ADAMTSL1: variants seen among roughly 807,000 people sequenced by gnomAD.
ADAMTSL1 encodes the protein ADAMTS-like protein 1.
ADAMTSL1 carries 126 observed loss-of-function variants against 201.8 expected under a neutral mutation model. The ratio of observed to expected loss-of-function variants is 0.62; its 90% CI spans 0.54 to 0.72. The LOEUF (loss-of-function observed/expected upper bound fraction) is 0.72. Among genes scored for constraint, ADAMTSL1 ranks in the 30% least tolerant of loss-of-function variants. The pLI, the probability that ADAMTSL1 is intolerant of heterozygous loss-of-function variation, is 0.00. For missense variants in ADAMTSL1, 2,679 were observed against 2,277.8 expected (o/e 1.18, Z -3.59); for synonymous variants, 1,121 against 903.4 (o/e 1.24, Z -4.32).
rs377599847 is a variant in ADAMTSL1 at position 18,133,847 on chromosome 9, T to C, written c.88-30015T>C. Among the ~76,000 whole-genome samples, 14 of 152,252 alleles carry C rather than the reference T, an allele frequency of 9.2e-5. No individual in the cohort carries two copies. In the East Asian group the frequency reaches 9.7e-4, roughly 11 times the overall value. ...TTTAAAAAAACTATTTGGTTAACTC[T>C]AATGGGCAACTAGAATTGAAAACAC... On this transcript the variant is annotated intron_variant, in intron 1 of 29. Coordinates refer to the ADAMTSL1 transcript ENST00000680146.
At chr9:18,368,770 T>A (rs1836901920) in intron 2 of ADAMTSL1, among the ~76,000 whole-genome samples, 1 of 152,248 alleles carries the variant, frequency 6.6e-6, no homozygotes, top group South Asian at 2.1e-4. Flanking sequence ...AAGCCCATGT[T>A]ATGATCATTT....
At chr9:18,487,432 C>T (rs996173305) in intron 1 of ADAMTSL1, among the ~76,000 whole-genome samples, 1 of 152,192 alleles carries the variant, frequency 6.6e-6, no homozygotes, top group African/African-American at 2.4e-5. Context: ...TTTTAAATCA[C>T]ATGGTCCTTC....
chr9:18,894,930 C>T (rs1402261515), intron 26 of ADAMTSL1, among the ~76,000 whole-genome samples: 2 of 151,710 alleles, frequency 1.3e-5, no homozygotes, highest in East Asian at 4.1e-4. Flanking sequence ...GGAAAATTCA[C>T]AGAGACCAGT....
chr9:17,939,669 C>T (rs1563908616), intron 1 of ADAMTSL1, among the ~76,000 whole-genome samples: 2 of 151,912 alleles, frequency 1.3e-5, no homozygotes, highest in East Asian at 3.9e-4. Flanking sequence ...GATGTTCTGC[C>T]TCATTCATTC....
chr9:18,454,538 G>A (rs138157470), intron 2 of ADAMTSL1, among the ~76,000 whole-genome samples: 83 of 152,238 alleles, frequency 5.5e-4, no homozygotes, highest in African/African-American at 1.9e-3. Flanking sequence ...AGAGACCAAT[G>A]ACTTGATGCA....
chr9:18,377,838 G>A (rs1001021736), intron 2 of ADAMTSL1, among the ~76,000 whole-genome samples: 7 of 152,132 alleles, frequency 4.6e-5, no homozygotes, highest in Non-Finnish European at 1.0e-4. Flanking sequence ...AAAGTGCTGG[G>A]ATTACAGGCA....
At chr9:18,422,309 T>G (rs1182910830) in intron 2 of ADAMTSL1, among the ~76,000 whole-genome samples, 1 of 152,202 alleles carries the variant, frequency 6.6e-6, no homozygotes, top group African/African-American at 2.4e-5. Context: ...CTTTCTGAAG[T>G]AATTCTCTGG....
intron 1 of ADAMTSL1, among the ~76,000 whole-genome samples, chr9:18,122,455 G>A (rs986688096): frequency 6.6e-6 from 1 of 152,106 alleles, no homozygotes; most frequent in African/African-American, 2.4e-5. Flanking sequence ...CTGTTTCTAT[G>A]GATTCCTCCT....
At chr9:17,970,180 T>C (rs1416866487) in intron 1 of ADAMTSL1, among the ~76,000 whole-genome samples, 1 of 151,980 alleles carries the variant, frequency 6.6e-6, no homozygotes, top group African/African-American at 2.4e-5. Flanking sequence ...TTATTTCAAA[T>C]AATGTTCTAC....
intron 2 of ADAMTSL1, among the ~76,000 whole-genome samples, chr9:18,324,204 T>C (rs10217584): frequency 0.089 from 13,543 of 152,148 alleles, 787 homozygotes; most frequent in East Asian, 0.23. Flanking sequence ...GTTAATGCAA[T>C]GGGGAAAAGA....
chr9:18,846,847 C>T (rs1588224015), intron 23 of ADAMTSL1, among the ~76,000 whole-genome samples: 1 of 152,290 alleles, frequency 6.6e-6, no homozygotes, highest in South Asian at 2.1e-4. Flanking sequence ...AGGGAAACAT[C>T]AGCCATAGAA....
chr9:18,639,340 G>A lies in ADAMTSL1; in HGVS notation c.763G>A (p.Asp255Asn), dbSNP rs1266851266. ...TTTCCTTGTGGACAATTCTAGTGTGGACTTCCAGAAATTTCCAGACAAAGA... is the reference window on the plus strand; with the variant it reads ...TTTCCTTGTGGACAATTCTAGTGTGAACTTCCAGAAATTTCCAGACAAAGA... ...GTFLVDNSSV[D>N]FQKFPDKEIL... The change falls in exon 7 of 29, where the codon GAC (aspartate) becomes AAC (asparagine). Residue 255 changes from aspartate to asparagine, a missense_variant. Transcript: ENST00000380548. 6.2e-7 allele frequency: 1 copy of A among 1,613,026 alleles called. No individual in the cohort carries two copies. Among genetic ancestry groups the A allele is most frequent in the Admixed American group, 1.7e-5 (1 of 59,864 alleles).
At chr9:18,310,491 G>T (rs878990574) in intron 2 of ADAMTSL1, among the ~76,000 whole-genome samples, 1 of 148,594 alleles carries the variant, frequency 6.7e-6, no homozygotes, top group Non-Finnish European at 1.5e-5. Context: ...GAATCTATAA[G>T]GAACTTAAAC....
intron 1 of ADAMTSL1, among the ~76,000 whole-genome samples, chr9:18,048,367 T>C (rs1414785768): frequency 6.6e-6 from 1 of 152,322 alleles, no homozygotes; most frequent in South Asian, 2.1e-4. Flanking sequence ...GTTGGTTTTA[T>C]GCACATTGTC....
chr9:18,614,058 G>GC (rs768507033), intron 4 of ADAMTSL1, among the ~76,000 whole-genome samples: 1 of 152,130 alleles, frequency 6.6e-6, no homozygotes, highest in South Asian at 2.1e-4. Context: ...GCAACTCAGG[G>GC]CTGTCCTAAG....
At chr9:18,262,389 G>C (rs959668773) in intron 2 of ADAMTSL1, among the ~76,000 whole-genome samples, 1 of 152,168 alleles carries the variant, frequency 6.6e-6, no homozygotes, top group Admixed American at 6.5e-5. Flanking sequence ...TCAAGAGAAC[G>C]TGAAAATCCA....
intron 4 of ADAMTSL1, among the ~76,000 whole-genome samples, chr9:18,615,418 C>G (rs554875972): frequency 6.6e-6 from 1 of 152,330 alleles, no homozygotes; most frequent in East Asian, 1.9e-4. Flanking sequence ...ACAGATGAAA[C>G]CATCGTTCAT....
At chr9:18,699,298 A>G (rs964227271) in intron 13 of ADAMTSL1, among the ~76,000 whole-genome samples, 2 of 148,488 alleles carry the variant, frequency 1.3e-5, no homozygotes, top group Admixed American at 6.7e-5. Flanking sequence ...TAGCTTTTCC[A>G]TGTGTTTTGC....
At chr9:18,114,935 C>A (rs1407976391) in intron 1 of ADAMTSL1, among the ~76,000 whole-genome samples, 2 of 152,136 alleles carry the variant, frequency 1.3e-5, no homozygotes, top group Non-Finnish European at 2.9e-5. Context: ...ACATAAGCCA[C>A]CGTGGTCGAC....
Sources: allele counts gnomAD v4.1 joint callset (sites outside exome capture counted in the v4.1 genomes callset), GRCh38; gene constraint gnomAD v4.1.1; transcripts MANE v1.5; gene names NCBI Gene and HGNC (gene_info 2026-07-23, HGNC 2026-07-21).